Variants in SLC6A2 observed in about 807,000 individuals in gnomAD.
SLC6A2 encodes solute carrier family 6 member 2.
Under a neutral mutation model 71.7 loss-of-function variants are expected in SLC6A2, and 26 were observed. The ratio of observed to expected loss-of-function variants is 0.36; its 90% confidence interval spans 0.27 to 0.50. The LOEUF is 0.50. Ranked by LOEUF, SLC6A2 falls within the 20% of genes least tolerant of loss-of-function variation. SLC6A2 has a pLI of 0.96. For missense variants in SLC6A2, 581 were observed against 803.9 expected, an observed-to-expected ratio of 0.72 and a Z score of 3.35; for synonymous variants, 363 against 337.9, an observed-to-expected ratio of 1.07 and a Z score of -0.82.
At position 55,698,501 on chromosome 16, in the gene SLC6A2, C is replaced by G; in HGVS notation, c.1422C>G (p.Thr474=). 6.2e-7 allele frequency: 1 copy of G among 1,614,150 alleles called. No homozygotes were observed. Among genetic ancestry groups the G allele is most frequent in the Non-Finnish European group, 8.5e-7 (1 of 1,180,000 alleles). The stretch of plus-strand genomic sequence containing the variant: ...TTTACGTCTTGACCCTCCTGGACAC[C>G]TTTGCTGCGGGCACCTCCATCCTTT... The part of the protein sequence containing the change: ...GGIYVLTLLD[T]FAAGTSILFA... Residue 474 remains threonine, a synonymous_variant, in exon 11 of 15, where the codon ACC becomes ACG. Coordinates refer to ENST00000568943, the MANE Select transcript of SLC6A2 (RefSeq NM_001172501.3).
intron 5 of SLC6A2, among the ~76,000 whole-genome samples, 180 bp from the exon 6 acceptor site, chr16:55,691,738 T>G (rs373772204): frequency 3.3e-5 from 5 of 152,166 alleles, no homozygotes; most frequent in African/African-American, 9.7e-5. Context: ...CGTTTGCTGG[T>G]CTAGCCCTGG....
intron 4 of SLC6A2, among the ~76,000 whole-genome samples, chr16:55,674,611 G>A (rs1239136118): frequency 6.6e-6 from 1 of 152,008 alleles, no homozygotes; most frequent in Admixed American, 6.5e-5. Flanking sequence ...TTTTAGTAGA[G>A]ACAGGGTTTC....
intron 2 of SLC6A2, among the ~76,000 whole-genome samples, chr16:55,659,219 C>T (rs1384032938): frequency 6.6e-6 from 1 of 152,156 alleles, no homozygotes; most frequent in Non-Finnish European, 1.5e-5. Context: ...TCTTTATTGT[C>T]ATGCTGCTAG....
At chr16:55,676,823 T>C (rs538923832) in intron 4 of SLC6A2, among the ~76,000 whole-genome samples, 1 of 152,330 alleles carries the variant, frequency 6.6e-6, no homozygotes, top group East Asian at 1.9e-4. Flanking sequence ...TCTGAGGTCA[T>C]AGAGTTTATA....
intron 10 of SLC6A2, 53 bp downstream of exon 10, chr16:55,698,078 A>T: frequency 6.3e-7 from 1 of 1,585,816 alleles, no homozygotes; most frequent in South Asian, 1.1e-5. Context: ...GCCGCATTTC[A>T]ATAAAGTCAA....
At chr16:55,658,974 A>G (rs762024463) in intron 2 of SLC6A2, among the ~76,000 whole-genome samples, 16 of 152,190 alleles carry the variant, frequency 1.1e-4, no homozygotes, top group Non-Finnish European at 1.8e-4. Flanking sequence ...GATTCTCTGT[A>G]TCTTTTAAGA....
intron 6 of SLC6A2, among the ~76,000 whole-genome samples, chr16:55,692,788 G>A (rs1393726252): frequency 2.6e-5 from 4 of 152,172 alleles, no homozygotes; most frequent in Non-Finnish European, 4.4e-5. Flanking sequence ...CAGCAGCACA[G>A]GATGAAGAGG....
At position 55,705,432 on chromosome 16, in the gene SLC6A2, T is replaced by C. The variant is rs1220007316; in HGVS notation, c.*3086T>C. ...AGTAAAGAAGCCCATTGAACTCACTTTATTTGTTTATTTCCTTCGAAAGCC... is the reference window on the plus strand; with the variant it reads ...AGTAAAGAAGCCCATTGAACTCACTCTATTTGTTTATTTCCTTCGAAAGCC... On this transcript the variant is annotated 3_prime_UTR_variant, in exon 15 of 15. Coordinates refer to ENST00000568943, the MANE Select transcript of SLC6A2 (RefSeq NM_001172501.3). The C allele has an allele frequency of 1.7e-5, 10 of 584,424 alleles. No homozygotes were observed. The highest frequency in any genetic ancestry group is 2.4e-5 in the Non-Finnish European group (8 of 334,544). The allele number at this position is 584,424 out of a possible 1,614,324, so 36.2% of individuals were successfully genotyped here. A position where few individuals can be genotyped will look rare whatever the true frequency, so the allele number is the denominator to read the frequency against.
At position 55,695,354 on chromosome 16, in the gene SLC6A2, T is replaced by C; in HGVS notation, c.1099T>C (p.Tyr367His). ...GTTCGCCATCTTCTCCATCCTTGGT[T>C]ACATGGCCCATGAACACAAGGTCAA... ...SGFAIFSILG[Y>H]MAHEHKVNIE... Residue 367 changes from tyrosine (Y) to histidine (H), a missense_variant, in exon 8 of 15, where the codon TAC (tyrosine) becomes CAC (histidine). Coordinates refer to ENST00000568943, the MANE Select transcript of SLC6A2 (RefSeq NM_001172501.3). 1 of 1,614,218 alleles carries C rather than the reference T, an allele frequency of 6.2e-7. No homozygotes were observed. The highest frequency in any genetic ancestry group is 8.5e-7 in the Non-Finnish European group (1 of 1,180,034).
intron 2 of SLC6A2, among the ~76,000 whole-genome samples, chr16:55,667,530 C>G (rs1428561745): frequency 1.3e-5 from 2 of 152,200 alleles, no homozygotes; most frequent in African/African-American, 4.8e-5. Context: ...CATCAGCACA[C>G]CAGCACCACC....
intron 6 of SLC6A2, among the ~76,000 whole-genome samples, chr16:55,692,936 A>G (rs965189421): frequency 2.6e-5 from 4 of 152,246 alleles, no homozygotes; most frequent in Admixed American, 2.0e-4. Flanking sequence ...TCAGCCTCGT[A>G]AATTGCAAAA....
chr16:55,656,576 G>A lies in SLC6A2; in HGVS notation c.-51-68G>A, dbSNP rs1347531636. On this transcript the variant is annotated intron_variant, in intron 1 of 14. Coordinates refer to ENST00000568943, the MANE Select transcript of SLC6A2 (RefSeq NM_001172501.3). This position sits in a 1 kb window ranked among gnomAD's most constrained non-coding sequence, Gnocchi z 4.5. ...ATCCCAGTGTCTAAGGCGCTCCCGG[G>A]TGGTCTTGGGAGTTGCAAGTAGGGA... 1 of 1,282,228 alleles carries A rather than the reference G, an allele frequency of 7.8e-7. No homozygotes were observed. The highest frequency in any genetic ancestry group is 1.5e-5 in the African/African-American group (1 of 68,542). 79.4% of individuals were successfully genotyped at this position (1,282,228 alleles called of 1,614,324 possible). A position where few individuals can be genotyped will look rare whatever the true frequency, so the allele number is the denominator to read the frequency against.
chr16:55,689,157 G>A (rs146729301), intron 5 of SLC6A2, among the ~76,000 whole-genome samples: 1 of 152,296 alleles, frequency 6.6e-6, no homozygotes, highest in Non-Finnish European at 1.5e-5. Context: ...CAGAGCCCAA[G>A]CCTTTCTTCT....
In SLC6A2 at chr16:55,695,334, C is replaced by G. The variant is rs781117492; in HGVS notation, c.1079C>G (p.Ala360Gly). The G allele has an allele frequency of 1.2e-6, 2 of 1,614,096 alleles. No homozygotes were observed. The highest frequency in any genetic ancestry group is 2.7e-5 in the African/African-American group (2 of 74,942). Residue 360 changes from alanine (A) to glycine (G), a missense_variant, in exon 8 of 15, where the codon GCC becomes GGC. Physicochemically the swap from Ala to Gly is moderately conservative, Grantham distance 60. Transcript: ENST00000568943. ...ATCACCAGCTTCGTCTCTGGGTTCG[C>G]CATCTTCTCCATCCTTGGTTACATG... Reference protein sequence around the residue: ...NCITSFVSGFAIFSILGYMAH... With the variant: ...NCITSFVSGFGIFSILGYMAH...
intron 4 of SLC6A2, among the ~76,000 whole-genome samples, chr16:55,677,575 G>C (rs1965131454): frequency 2.6e-5 from 4 of 152,150 alleles, no homozygotes; most frequent in Admixed American, 2.0e-4. Flanking sequence ...GCTTCCTCCA[G>C]GCTCAGCTAT....
rs1336250273 is a variant in SLC6A2, at chr16:55,692,035, C to T, written c.901C>T (p.Arg301Cys). ...INAYLHIDFY[R>C]LKEATVWIDA... ...TGCCTACCTGCACATCGACTTCTAC[C>T]GCTTGAAAGAGGCCACGGTCAGTGC... Residue 301 changes from arginine (R) to cysteine (C), a missense_variant, in exon 6 of 15, where the codon CGC (arginine) becomes TGC (cysteine). By Grantham distance (180) the Arg-to-Cys change is radical. Transcript: ENST00000568943. 8.1e-6 allele frequency: 13 copies of T among 1,614,066 alleles called. No homozygotes were observed. The highest frequency in any genetic ancestry group is 1.6e-4 in the Middle Eastern group (1 of 6,084).
chr16:55,694,096 T>G lies in SLC6A2; in HGVS notation c.1005T>G (p.Phe335Leu). The part of the protein sequence containing the change: ...VLIAFASYNK[F>L]DNNCYRDALL... ...TTGCATTTGCCAGTTACAACAAATT[T>G]GACAACAACTGTTACAGGTAAGATT... The change falls in exon 7 of 15, where the codon TTT (phenylalanine) becomes TTG (leucine). Residue 335 changes from phenylalanine (F) to leucine (L), a missense_variant. Physicochemically the swap from Phe to Leu is conservative, Grantham distance 22 (BLOSUM62 0). Coordinates refer to ENST00000568943, the MANE Select transcript of SLC6A2 (RefSeq NM_001172501.3). 6.3e-7 allele frequency: 1 copy of G among 1,599,672 alleles called. No individual in the cohort carries two copies. The highest frequency in any genetic ancestry group is 8.6e-7 in the Non-Finnish European group (1 of 1,166,706).
At chr16:55,693,303 GA>G (rs1464898061) in intron 6 of SLC6A2, among the ~76,000 whole-genome samples, 27 of 152,180 alleles carry the variant, frequency 1.8e-4, no homozygotes, top group African/African-American at 6.0e-4. Flanking sequence ...CCAGGGAGTG[GA>G]GGTTGCAGTG....
At chr16:55,685,078 G>A (rs1335218521) in intron 4 of SLC6A2, 65 bp from the exon 5 acceptor site, 2 of 1,540,376 alleles carry the variant, frequency 1.3e-6, no homozygotes, top group Non-Finnish European at 1.8e-6. Flanking sequence ...CTGGTCTGTG[G>A]TCACGGCCTC....
Sources: gnomAD v4.1 joint callset for allele counts (sites outside exome capture counted in the v4.1 genomes callset) on GRCh38, gnomAD v4.1.1 for gene constraint, Gnocchi (gnomAD v3.1) non-coding constraint, MANE v1.5 for transcripts, NCBI Gene and HGNC (gene_info 2026-07-23, HGNC 2026-07-21) for gene names.